CMIP: variants seen among roughly 807,000 people sequenced by gnomAD.
The protein encoded by CMIP is C-Maf-inducing protein.
A neutral mutation model predicts 97.3 loss-of-function variants in CMIP; 13 were observed. The observed-to-expected ratio is 0.13, with a 90% confidence interval of 0.09 to 0.21. The LOEUF is 0.21. CMIP is among the 10% of genes least tolerant of loss of function. The pLI, the probability that CMIP is intolerant of heterozygous loss-of-function variation, is 1.00. For missense variants in CMIP, 847 were observed against 1,024.9 expected, an observed-to-expected ratio of 0.83 and a Z score of 2.37; for synonymous variants, 538 against 436.3, an observed-to-expected ratio of 1.23 and a Z score of -2.91.
At chr16:81,505,291 C>A (rs1244661654) in intron 1 of CMIP, among the ~76,000 whole-genome samples, 1 of 152,174 alleles carries the variant, frequency 6.6e-6, no homozygotes, top group Non-Finnish European at 1.5e-5. Context: ...AAGTGGAATC[C>A]CTCATGTGTT....
intron 9 of CMIP, among the ~76,000 whole-genome samples, chr16:81,676,301 G>A (rs1904307511): frequency 6.6e-6 from 1 of 151,726 alleles, no homozygotes; most frequent in South Asian, 2.1e-4. Context: ...GTGGGCTCAG[G>A]TCCATGACGC....
intron 16 of CMIP, among the ~76,000 whole-genome samples, chr16:81,702,212 G>A (rs1314128219): frequency 6.6e-6 from 1 of 152,188 alleles, no homozygotes; most frequent in Non-Finnish European, 1.5e-5. Flanking sequence ...TCCTGGAGCA[G>A]CCCTCAACCA....
At chr16:81,604,819 G>C (rs1177695621) in intron 1 of CMIP, among the ~76,000 whole-genome samples, 2 of 152,222 alleles carry the variant, frequency 1.3e-5, no homozygotes, top group Non-Finnish European at 2.9e-5. Flanking sequence ...GCATGTGAAA[G>C]GTAGACTCAG....
rs1320465678 is a variant in CMIP, at chr16:81,703,785, G to T, written c.1945-154G>T. ...GGCCACCCCCTTGGCCCATCCCACCGAGCTGTGCCCCCATCTCAGCTCCTG... is the reference window on the plus strand; with the variant it reads ...GGCCACCCCCTTGGCCCATCCCACCTAGCTGTGCCCCCATCTCAGCTCCTG... On this transcript the variant is annotated intron_variant, in intron 17 of 20. Coordinates refer to ENST00000537098, the MANE Select transcript of CMIP (RefSeq NM_198390.3). The T allele has an allele frequency of 3.9e-6, 4 of 1,027,334 alleles. No individual in the cohort carries two copies. The East Asian group carries it at 1.1e-4, about 28-fold the overall frequency. The allele number at this position is 1,027,334 out of a possible 1,614,324, so 63.6% of individuals were successfully genotyped here. A position where few individuals can be genotyped will look rare whatever the true frequency, so the allele number is the denominator to read the frequency against.
chr16:81,499,093 G>A (rs918953123), intron 1 of CMIP, among the ~76,000 whole-genome samples: 1 of 151,724 alleles, frequency 6.6e-6, no homozygotes, highest in Non-Finnish European at 1.5e-5. Context: ...GATCGGTGTA[G>A]AGAAGCTAGA....
intron 1 of CMIP, among the ~76,000 whole-genome samples, chr16:81,448,596 C>G (rs1597440281): frequency 2.0e-5 from 3 of 152,386 alleles, no homozygotes; most frequent in Middle Eastern, 3.4e-3. Flanking sequence ...CAGGTCGCAG[C>G]TTGCCCTGCC....
chr16:81,693,031 C>T (rs1906276938), intron 11 of CMIP, 127 bp from the exon 12 acceptor site: 2 of 706,948 alleles, frequency 2.8e-6, no homozygotes, highest in East Asian at 2.7e-5. Context: ...TGGCATTTCA[C>T]TCACATTCCT....
chr16:81,555,909 G>A (rs1381234259), intron 1 of CMIP, among the ~76,000 whole-genome samples: 2 of 152,138 alleles, frequency 1.3e-5, no homozygotes, highest in Non-Finnish European at 2.9e-5. Flanking sequence ...ACCCACCCCT[G>A]GGAGAGCTGT....
At chr16:81,508,242 C>T (rs1279460517) in intron 1 of CMIP, among the ~76,000 whole-genome samples, 1 of 152,190 alleles carries the variant, frequency 6.6e-6, no homozygotes, top group Non-Finnish European at 1.5e-5. Context: ...TCCCTCTTGC[C>T]CTGTGGCCCG....
At chr16:81,523,053 A>G (rs1014939446) in intron 1 of CMIP, among the ~76,000 whole-genome samples, 3 of 152,078 alleles carry the variant, frequency 2.0e-5, no homozygotes, top group African/African-American at 7.2e-5. Flanking sequence ...CAGCCCCCCA[A>G]GTAGCTGGGA....
chr16:81,692,840 C>A (rs1411908887), intron 11 of CMIP, among the ~76,000 whole-genome samples: 4 of 152,292 alleles, frequency 2.6e-5, no homozygotes, highest in African/African-American at 9.6e-5. Flanking sequence ...ATGAACACAC[C>A]TGGGTCTCCG....
intron 10 of CMIP, among the ~76,000 whole-genome samples, chr16:81,688,453 A>G (rs766580367): frequency 2.6e-5 from 4 of 152,308 alleles, no homozygotes; most frequent in Middle Eastern, 6.8e-3. Flanking sequence ...GACTCCTCAT[A>G]TGCCACAGCT....
intron 1 of CMIP, among the ~76,000 whole-genome samples, chr16:81,597,294 C>T (rs937481478): frequency 2.6e-5 from 4 of 152,186 alleles, no homozygotes; most frequent in African/African-American, 9.7e-5. Flanking sequence ...CATTTTTCAT[C>T]TTTTCCATTT....
intron 1 of CMIP, among the ~76,000 whole-genome samples, chr16:81,576,375 G>A (rs1394544741): frequency 6.6e-6 from 1 of 152,144 alleles, no homozygotes; most frequent in Non-Finnish European, 1.5e-5. Context: ...CTGAACTCCA[G>A]TCTGGGTGAC....
In CMIP at chr16:81,627,761, G is replaced by T. The variant is rs527600763; in HGVS notation, c.477+6835G>T. Among the ~76,000 whole-genome samples the T allele has an allele frequency of 1.3e-5, 2 of 152,290 alleles. No homozygotes were observed. Among genetic ancestry groups the T allele is most frequent in the South Asian group, 4.1e-4 (2 of 4,826 alleles). ...ATAAAGGACCGTGCCAAAGCCAGATGCCTCCCAGCGAGGGTCACAATCTCG... is the reference window on the plus strand; with the variant it reads ...ATAAAGGACCGTGCCAAAGCCAGATTCCTCCCAGCGAGGGTCACAATCTCG... On this transcript the variant is annotated intron_variant, in intron 3 of 20. Transcript: ENST00000537098. The surrounding 1 kb of genome is among the most constrained non-coding windows in gnomAD (Gnocchi z 4.6).
chr16:81,546,622 G>C (rs1156682344), intron 1 of CMIP, among the ~76,000 whole-genome samples: 1 of 152,210 alleles, frequency 6.6e-6, no homozygotes, highest in Non-Finnish European at 1.5e-5. Context: ...CTGCCTGCAG[G>C]TAGCTGCGGC....
chr16:81,688,602 C>G (rs1905690425), intron 10 of CMIP, among the ~76,000 whole-genome samples: 1 of 152,134 alleles, frequency 6.6e-6, no homozygotes, highest in African/African-American at 2.4e-5. Flanking sequence ...GGAAAGTCTC[C>G]GTGACATCGG....
At chr16:81,508,150 A>T (rs895624914) in intron 1 of CMIP, among the ~76,000 whole-genome samples, 1 of 152,230 alleles carries the variant, frequency 6.6e-6, no homozygotes, top group Non-Finnish European at 1.5e-5. Context: ...TGAAATATTA[A>T]ATGTGTGCAT....
At chr16:81,479,216 C>T (rs2927324) in intron 1 of CMIP, among the ~76,000 whole-genome samples, 92,886 of 151,962 alleles carry the variant, frequency 0.61, 28,790 homozygotes, top group East Asian at 0.78. Context: ...GTCAGCTACT[C>T]GAAGTTGCTC....
Sources: allele counts gnomAD v4.1 joint callset (sites outside exome capture counted in the v4.1 genomes callset), GRCh38; gene constraint gnomAD v4.1.1; non-coding constraint Gnocchi (gnomAD v3.1); transcripts MANE v1.5; gene names NCBI Gene and HGNC (gene_info 2026-07-23, HGNC 2026-07-21).